The following MGAT4C variants were observed in gnomAD, a reference collection of about 807,000 sequenced individuals.
MGAT4C encodes MGAT4 family member C.
In MGAT4C, 19 loss-of-function variants were observed where a neutral mutation model predicts 40.1. The observed-to-expected ratio is 0.47, with a 90% CI of 0.33 to 0.70. The LOEUF (loss-of-function observed/expected upper bound fraction) is 0.70. MGAT4C is among the 30% of genes least tolerant of loss of function. The pLI, the probability that MGAT4C is intolerant of heterozygous loss-of-function variation, is 0.02. For synonymous variants in MGAT4C, 181 were observed against 187.1 expected (o/e 0.97, Z 0.27); for missense variants, 491 against 563.2 (o/e 0.87, Z 1.30).
chr12:86,144,506 A>G (rs1489189080), intron 1 of MGAT4C, among the ~76,000 whole-genome samples: 1 of 152,190 alleles, frequency 6.6e-6, no homozygotes, highest in Non-Finnish European at 1.5e-5. Flanking sequence ...GGGTTTATAC[A>G]TTACATTTCA....
At chr12:86,101,887 C>G (rs980449874) in intron 1 of MGAT4C, among the ~76,000 whole-genome samples, 84 of 151,996 alleles carry the variant, frequency 5.5e-4, no homozygotes, top group African/African-American at 1.8e-3. Context: ...GGATCAAAGT[C>G]TTAAATTCCC....
At chr12:86,561,147 AC>A (rs1959845032) in intron 2 of MGAT4C, among the ~76,000 whole-genome samples, 1 of 152,206 alleles carries the variant, frequency 6.6e-6, no homozygotes, top group Non-Finnish European at 1.5e-5. Flanking sequence ...TTGTTAAAAA[AC>A]ATATTACACA....
intron 2 of MGAT4C, among the ~76,000 whole-genome samples, chr12:86,700,069 A>ATAGATAGATAAGT (rs1950330308): frequency 6.6e-6 from 1 of 150,400 alleles, no homozygotes; most frequent in African/African-American, 2.5e-5. Context: ...GATAGATAAG[A>ATAGATAGATAAGT]TAGATAGATA....
At chr12:86,675,984 A>AC (rs1565918664) in intron 2 of MGAT4C, among the ~76,000 whole-genome samples, 1 of 151,518 alleles carries the variant, frequency 6.6e-6, no homozygotes, top group Non-Finnish European at 1.5e-5. Flanking sequence ...AAAAAAAAAA[A>AC]CATTCATTTC....
intron 1 of MGAT4C, chr12:86,744,921 G>A (rs529669624): frequency 6.6e-6 from 1 of 151,724 alleles, no homozygotes; most frequent in South Asian, 2.1e-4. Context: ...AATGTGTATT[G>A]GTTCTGGGGA....
intron 2 of MGAT4C, among the ~76,000 whole-genome samples, chr12:86,571,430 G>A (rs985492907): frequency 9.2e-5 from 14 of 152,114 alleles, no homozygotes; most frequent in African/African-American, 3.1e-4. Context: ...TGAAAAAAAT[G>A]TATATATACA....
intron 3 of MGAT4C, among the ~76,000 whole-genome samples, chr12:86,395,697 A>G (rs1325830328): frequency 2.6e-5 from 4 of 152,338 alleles, no homozygotes; most frequent in Admixed American, 1.3e-4. Flanking sequence ...TAGCTATAAT[A>G]CTGTAATAAG....
rs781516891 is a variant in MGAT4C, at chr12:85,983,600, A to G, written c.218T>C (p.Phe73Ser). ...TCCTGAGAAATTAGATAAATCCTTG[A>G]AAGTATGAACATAGCGTTCTGAATT... ...QLNSERYVHT[F>S]KDLSNFSGAI... The change falls in exon 4 of 5, where the codon TTC becomes TCC. Residue 73 changes from phenylalanine to serine, a missense_variant. By Grantham distance (155) the Phe-to-Ser change is radical. Coordinates refer to ENST00000611864, the MANE Select transcript of MGAT4C (RefSeq NM_001351288.2). 1.3e-6 allele frequency: 2 copies of G among 1,597,710 alleles called. No individual in the cohort carries two copies. The highest frequency in any genetic ancestry group is 1.7e-6 in the Non-Finnish European group (2 of 1,172,208).
chr12:85,971,877 G>C lies in MGAT4C; in HGVS notation c.*7412C>G, dbSNP rs1883637830. 1 of 151,156 alleles carries C rather than the reference G, an allele frequency of 6.6e-6. No individual in the cohort carries two copies. The highest frequency in any genetic ancestry group is 1.5e-5 in the Non-Finnish European group (1 of 67,310). The allele number at this position is 151,156 out of a possible 1,614,324, so 9.4% of individuals were successfully genotyped here. ...GAAAGGCCTCCTTACCACAATAATT[G>C]AAAGGAGTACTTTGTCAATAGTCAG... is the stretch of plus-strand genomic sequence containing the variant. On this transcript the variant is annotated 3_prime_UTR_variant, in exon 5 of 5. Transcript: ENST00000611864.
intron 3 of MGAT4C, among the ~76,000 whole-genome samples, chr12:86,337,732 A>G (rs1172479288): frequency 1.3e-5 from 2 of 152,210 alleles, no homozygotes; most frequent in African/African-American, 4.8e-5. Context: ...ATTTACTGAA[A>G]TGATGGGTTT....
chr12:86,636,401 G>A (rs1463683059), intron 2 of MGAT4C, among the ~76,000 whole-genome samples: 8 of 151,950 alleles, frequency 5.3e-5, no homozygotes, highest in Non-Finnish European at 1.2e-4. Context: ...GGATGTTTGT[G>A]CTCTATTCAA....
chr12:86,333,755 T>C (rs1285205047), intron 4 of MGAT4C, among the ~76,000 whole-genome samples: 1 of 152,192 alleles, frequency 6.6e-6, no homozygotes, highest in East Asian at 1.9e-4. Context: ...TTGTGAGGGA[T>C]CTTATTTACA....
intron 1 of MGAT4C, among the ~76,000 whole-genome samples, chr12:86,240,521 A>T (rs1951739908): frequency 6.6e-6 from 1 of 152,096 alleles, no homozygotes; most frequent in African/African-American, 2.4e-5. Context: ...AATTTACCAC[A>T]AAGTAGCAAA....
intron 4 of MGAT4C, among the ~76,000 whole-genome samples, chr12:85,982,442 G>A (rs1214671576): frequency 6.6e-6 from 1 of 152,118 alleles, no homozygotes; most frequent in Admixed American, 6.5e-5. Context: ...ACTTGCCTTG[G>A]CCTCCCAAAG....
At chr12:86,661,656 A>G (rs1465876576) in intron 2 of MGAT4C, among the ~76,000 whole-genome samples, 2 of 152,206 alleles carry the variant, frequency 1.3e-5, no homozygotes, top group Non-Finnish European at 2.9e-5. Flanking sequence ...GCAATCAAAC[A>G]TAAGAAGGGA....
intron 2 of MGAT4C, among the ~76,000 whole-genome samples, chr12:86,564,054 T>C (rs189147615): frequency 6.1e-4 from 93 of 152,204 alleles, no homozygotes; most frequent in Non-Finnish European, 9.1e-4. Flanking sequence ...TGTGGAGAGA[T>C]TGAAGAGATT....
At chr12:86,661,220 C>G (rs1963972360) in intron 2 of MGAT4C, among the ~76,000 whole-genome samples, 1 of 148,876 alleles carries the variant, frequency 6.7e-6, no homozygotes, top group African/African-American at 2.5e-5. Flanking sequence ...AAGGAAAAAG[C>G]CAAATAAAAA....
intron 2 of MGAT4C, among the ~76,000 whole-genome samples, chr12:86,540,064 G>C (rs1959147226): frequency 6.6e-6 from 1 of 152,124 alleles, no homozygotes; most frequent in South Asian, 2.1e-4. Flanking sequence ...TGTTGCCATT[G>C]CTTTTGGTGT....
In MGAT4C at chr12:86,704,329, T is replaced by C. The variant is rs1202998633; in HGVS notation, c.-229+22880A>G. Reference sequence around the variant, plus strand: ...TAGAAACTGTCCTCTCTGGCTTCTATTATGTGATACAGACCTTACCTTTGA... The same window carrying C: ...TAGAAACTGTCCTCTCTGGCTTCTACTATGTGATACAGACCTTACCTTTGA... On this transcript the variant is annotated intron_variant, in intron 2 of 7. Transcript: ENST00000548651. Among the ~76,000 whole-genome samples the C allele has an allele frequency of 1.3e-5, 2 of 152,094 alleles. 1 individual carries two copies. Among genetic ancestry groups the C allele is most frequent in the African/African-American group, 4.8e-5 (2 of 41,436 alleles).
Sources: allele counts gnomAD v4.1 joint callset (sites outside exome capture counted in the v4.1 genomes callset), GRCh38; gene constraint gnomAD v4.1.1; transcripts MANE v1.5; gene names NCBI Gene and HGNC (gene_info 2026-07-23, HGNC 2026-07-21).